Variants in ST6GALNAC3 observed in about 807,000 individuals in gnomAD.
The protein encoded by ST6GALNAC3 is ST6 N-acetylgalactosaminide alpha-2,6-sialyltransferase 3.
Under a neutral mutation model 32.7 loss-of-function variants are expected in ST6GALNAC3, and 25 were observed. The ratio of observed to expected loss-of-function variants is 0.76; its 90% CI spans 0.56 to 1.07. The LOEUF (loss-of-function observed/expected upper bound fraction) is 1.07, where lower values mean the gene tolerates loss of function less well. Among genes scored for constraint, ST6GALNAC3 ranks in the 50% least tolerant of loss-of-function variants. The probability of loss-of-function intolerance (pLI) is 0.00; values close to 1 mark genes in which losing one functional copy is unlikely to be tolerated. For synonymous variants in ST6GALNAC3, 129 were observed against 133.1 expected, an observed-to-expected ratio of 0.97 and a Z score of 0.21; for missense variants, 355 against 382.4, an observed-to-expected ratio of 0.93 and a Z score of 0.60.
rs553115661 is a variant in ST6GALNAC3, at chr1:76,205,602, T to A, written c.19-108203T>A. 3.9e-5 allele frequency among the ~76,000 whole-genome samples: 6 copies of A among 152,312 alleles called. No homozygotes were observed. In the South Asian group the frequency reaches 1.2e-3, roughly 32 times the overall value. On this transcript the variant is annotated intron_variant, in intron 1 of 4. Coordinates refer to ENST00000328299, the MANE Select transcript of ST6GALNAC3 (RefSeq NM_152996.4). The stretch of plus-strand genomic sequence containing the variant: ...GGCATCCCCTAAGGGAAAGTTAGCA[T>A]GCAGTTATGAATGAGACCCTCGCTG...
At chr1:76,556,764 A>G (rs1286811680) in intron 3 of ST6GALNAC3, among the ~76,000 whole-genome samples, 2 of 152,056 alleles carry the variant, frequency 1.3e-5, no homozygotes, top group African/African-American at 2.4e-5. Context: ...TATATTCTAC[A>G]TGCACATCCT....
At chr1:76,124,105 C>T (rs796905314) in intron 1 of ST6GALNAC3, among the ~76,000 whole-genome samples, 1 of 151,954 alleles carries the variant, frequency 6.6e-6, no homozygotes, top group Non-Finnish European at 1.5e-5. Flanking sequence ...TTAATCTTTA[C>T]ATGTCTAAAA....
intron 1 of ST6GALNAC3, among the ~76,000 whole-genome samples, chr1:76,151,660 A>G (rs1651051078): frequency 6.6e-6 from 1 of 151,970 alleles, no homozygotes; most frequent in South Asian, 2.1e-4. Flanking sequence ...GAGTGATCAC[A>G]CCTGAGAGGG....
chr1:76,303,790 A>T (rs73002414), intron 1 of ST6GALNAC3, among the ~76,000 whole-genome samples: 2,137 of 152,208 alleles, frequency 0.014, 46 homozygotes, highest in African/African-American at 0.049. Context: ...AAGCAGGTTT[A>T]CTAGTTTATC....
At position 76,074,757 on chromosome 1, in the gene ST6GALNAC3, A is replaced by C; in HGVS notation, c.-110A>C. 8.3e-7 allele frequency: 1 copy of C among 1,206,288 alleles called. No individual in the cohort carries two copies. The highest frequency in any genetic ancestry group is 1.2e-6 in the Non-Finnish European group (1 of 868,218). The allele number at this position is 1,206,288 out of a possible 1,614,324, so 74.7% of individuals were successfully genotyped here. ...CGGTCCCCTTATTTGGATCTGCGGG[A>C]ATGTGGGCTGGAGAGGTCCTGCCGT... On this transcript the variant is annotated 5_prime_UTR_variant, in exon 1 of 5. Transcript: ENST00000328299.
chr1:76,250,718 T>C (rs1190872664), intron 1 of ST6GALNAC3, among the ~76,000 whole-genome samples: 7 of 152,198 alleles, frequency 4.6e-5, no homozygotes, highest in Admixed American at 2.6e-4. Flanking sequence ...CCCTTCAACA[T>C]GGCTATGAAG....
At chr1:76,505,618 A>G (rs554445582) in intron 3 of ST6GALNAC3, among the ~76,000 whole-genome samples, 125 of 152,316 alleles carry the variant, frequency 8.2e-4, no homozygotes, top group Middle Eastern at 3.4e-3. Flanking sequence ...TTTCCAAAGA[A>G]GCAAAGATCT....
chr1:76,416,855 T>G (rs1654671966), intron 3 of ST6GALNAC3, among the ~76,000 whole-genome samples: 1 of 152,092 alleles, frequency 6.6e-6, no homozygotes, highest in Non-Finnish European at 1.5e-5. Flanking sequence ...CTCGAACTCC[T>G]GACCCCGTGA....
chr1:76,383,390 ACT>A (rs76657178), intron 2 of ST6GALNAC3, among the ~76,000 whole-genome samples: 43,552 of 150,936 alleles, frequency 0.29, 7,583 homozygotes, highest in East Asian at 0.6. Flanking sequence ...TCTACTTCAG[ACT>A]CCTAAGTAGC....
At position 76,329,796 on chromosome 1, in the gene ST6GALNAC3, CTTTA is replaced by C. The variant is rs35038225; in HGVS notation, c.213+15821_213+15824del. On this transcript the variant is annotated intron_variant, in intron 2 of 4. Coordinates refer to ENST00000328299, the MANE Select transcript of ST6GALNAC3 (RefSeq NM_152996.4). Reference sequence around the variant, plus strand: ...CTCCATTTTTATTCTCTTTCTCTCTCTTTATTTATTTATTTATTTATTTATTTTT... The same window carrying C: ...CTCCATTTTTATTCTCTTTCTCTCTCTTTATTTATTTATTTATTTATTTTT... Among the ~76,000 whole-genome samples, 20 of 150,342 alleles carry C rather than the reference CTTTA, an allele frequency of 1.3e-4. No individual in the cohort carries two copies. In the South Asian group the frequency reaches 1.9e-3, roughly 14 times the overall value.
chr1:76,367,249 T>C (rs1650447515), intron 2 of ST6GALNAC3, among the ~76,000 whole-genome samples: 1 of 152,144 alleles, frequency 6.6e-6, no homozygotes, highest in African/African-American at 2.4e-5. Flanking sequence ...ATATATACAT[T>C]AAGTAAATAT....
intron 2 of ST6GALNAC3, among the ~76,000 whole-genome samples, chr1:76,358,271 A>T (rs932617095): frequency 3.3e-5 from 5 of 152,180 alleles, no homozygotes; most frequent in Non-Finnish European, 7.3e-5. Context: ...CATTCAACCC[A>T]GGCAAGATGT....
intron 1 of ST6GALNAC3, chr1:76,305,804 A>C (rs575061617): frequency 1.1e-5 from 5 of 462,332 alleles, no homozygotes; most frequent in Middle Eastern, 7.0e-4. Context: ...TATTTATATA[A>C]TCTCAGTTTT....
chr1:76,608,574 A>G (rs570030495), intron 3 of ST6GALNAC3, among the ~76,000 whole-genome samples: 1 of 150,718 alleles, frequency 6.6e-6, no homozygotes, highest in Non-Finnish European at 1.5e-5. Flanking sequence ...TGTCAGGGGA[A>G]GATCAAAAGC....
At chr1:76,472,133 C>T (rs760161965) in intron 3 of ST6GALNAC3, among the ~76,000 whole-genome samples, 26 of 151,946 alleles carry the variant, frequency 1.7e-4, no homozygotes, top group Admixed American at 3.3e-4. Flanking sequence ...TTGAAATGGC[C>T]GACATTTTAG....
At chr1:76,075,036 A>G in intron 1 of ST6GALNAC3, 152 bp downstream of exon 1, 1 of 963,684 alleles carries the variant, frequency 1.0e-6, no homozygotes, top group African/African-American at 1.6e-5. Context: ...ATGCATATGG[A>G]GGGAGATTCT....
intron 3 of ST6GALNAC3, among the ~76,000 whole-genome samples, chr1:76,611,344 A>G (rs1647920604): frequency 6.6e-6 from 1 of 152,142 alleles, no homozygotes; most frequent in Non-Finnish European, 1.5e-5. Context: ...ACCTCCATCT[A>G]AAATACAAAT....
chr1:76,472,114 G>A (rs2101629058), intron 3 of ST6GALNAC3, among the ~76,000 whole-genome samples: 1 of 152,154 alleles, frequency 6.6e-6, no homozygotes, highest in Non-Finnish European at 1.5e-5. Flanking sequence ...TCATTTGTGA[G>A]TTTCTTGTTT....
At chr1:76,236,358 CAAT>C (rs1656659714) in intron 1 of ST6GALNAC3, among the ~76,000 whole-genome samples, 1 of 151,948 alleles carries the variant, frequency 6.6e-6, no homozygotes, top group South Asian at 2.1e-4. Flanking sequence ...TGGAAGAATA[CAAT>C]TCAACCCATG....
Sources: gnomAD v4.1 joint callset for allele counts (sites outside exome capture counted in the v4.1 genomes callset) on GRCh38, gnomAD v4.1.1 for gene constraint, MANE v1.5 for transcripts, NCBI Gene and HGNC (gene_info 2026-07-23, HGNC 2026-07-21) for gene names.